STX16: variants seen among roughly 807,000 people sequenced by gnomAD.
The protein encoded by STX16 is syntaxin 16.
STX16 carries 28 observed loss-of-function variants against 42.7 expected under a neutral mutation model. The observed-to-expected ratio is 0.66, with a 90% confidence interval of 0.49 to 0.90. The LOEUF is 0.90. Among genes scored for constraint, STX16 ranks in the 40% least tolerant of loss-of-function variants. The pLI, the probability that STX16 is intolerant of heterozygous loss-of-function variation, is 0.00. For missense variants in STX16, 361 were observed against 420.9 expected (o/e 0.86, Z 1.24); for synonymous variants, 156 against 155.2 (o/e 1.00, Z -0.04).
rs777550226 is a variant in STX16 at position 58,652,129 on chromosome 20, C to T, written c.123C>T (p.Ser41=). The T allele has an allele frequency of 5.0e-6, 8 of 1,614,016 alleles. No individual in the cohort carries two copies. The highest frequency in any genetic ancestry group is 6.8e-6 in the Non-Finnish European group (8 of 1,179,998). Residue 41 remains serine, a synonymous_variant, in exon 1 of 9, where the codon AGC becomes AGT. Transcript: ENST00000371141. ...CCTCCAGCCCTCTGCATTCACGTAG[C>T]ATTGCTGCGGTGAGTCTCCTGGCGG... ...HITSSPLHSR[S]IAAELDELAD... is the part of the protein sequence containing the mutation.
Position 58,655,397 on chromosome 20 carries a change from G to A in STX16, c.132+3259G>A, listed in dbSNP as rs931634403. Among the ~76,000 whole-genome samples, 4 of 152,274 alleles carry A rather than the reference G, an allele frequency of 2.6e-5. No individual in the cohort carries two copies. In the South Asian group the frequency reaches 6.2e-4, roughly 24 times the overall value. On this transcript the variant is annotated intron_variant, in intron 1 of 8. Coordinates refer to ENST00000371141, the MANE Select transcript of STX16 (RefSeq NM_001001433.3). ...ATTTGGTTGTTGTAGTGGGGTTATT[G>A]TGTGTCCCTGTGCGTGCATACAGGG... is the stretch of plus-strand genomic sequence containing the variant.
chr20:58,654,167 C>T (rs1422181704), intron 1 of STX16, among the ~76,000 whole-genome samples: 1 of 151,938 alleles, frequency 6.6e-6, no homozygotes, highest in Non-Finnish European at 1.5e-5. Flanking sequence ...AATGTCATAC[C>T]ATTGAAAATG....
intron 7 of STX16, 151 bp from the exon 8 acceptor site, chr20:58,673,480 C>T (rs751638123): frequency 7.0e-6 from 4 of 571,932 alleles, no homozygotes; most frequent in Non-Finnish European, 1.3e-5. Flanking sequence ...TGAGGGTGAA[C>T]TCCAGAGCCC....
intron 8 of STX16, among the ~76,000 whole-genome samples, chr20:58,674,840 G>A (rs994141789): frequency 3.3e-5 from 5 of 152,136 alleles, no homozygotes; most frequent in African/African-American, 1.2e-4. Flanking sequence ...ATTATGCATT[G>A]GTTTTGAAGT....
intron 2 of STX16, among the ~76,000 whole-genome samples, chr20:58,662,613 C>G (rs1418847696): frequency 6.6e-6 from 1 of 152,152 alleles, no homozygotes; most frequent in Non-Finnish European, 1.5e-5. Flanking sequence ...CCAGTTCAAG[C>G]GATTCTCCTG....
chr20:58,669,573 T>A, intron 5 of STX16, 120 bp downstream of exon 5: 2 of 1,223,610 alleles, frequency 1.6e-6, no homozygotes, highest in African/African-American at 1.5e-5. Flanking sequence ...TTGAACATGC[T>A]CATACCTTGT....
intron 2 of STX16, 67 bp from the exon 3 acceptor site, chr20:58,667,423 G>C: frequency 8.1e-7 from 1 of 1,238,380 alleles, no homozygotes; most frequent in Non-Finnish European, 1.2e-6. Flanking sequence ...ATTTAAGAGA[G>C]AGTAAGAGTA....
chr20:58,676,092 G>T, intron 8 of STX16, 95 bp from the exon 9 acceptor site: 1 of 951,568 alleles, frequency 1.1e-6, no homozygotes, highest in Non-Finnish European at 1.7e-6. Flanking sequence ...CAGTCACTGT[G>T]CAGAGAGATC....
At chr20:58,662,189 A>G (rs2083716220) in intron 2 of STX16, among the ~76,000 whole-genome samples, 1 of 152,246 alleles carries the variant, frequency 6.6e-6, no homozygotes, top group Non-Finnish European at 1.5e-5. Context: ...AAGTCACAAG[A>G]TAACAAATGT....
intron 2 of STX16, among the ~76,000 whole-genome samples, chr20:58,664,843 A>G (rs2083780751): frequency 6.6e-6 from 1 of 152,240 alleles, no homozygotes; most frequent in East Asian, 1.9e-4. Flanking sequence ...TAAAAACTCT[A>G]AAATCACTAT....
In STX16 at chr20:58,670,542, A is replaced by C; in HGVS notation, c.587A>C (p.His196Pro). 1 of 1,614,094 alleles carries C rather than the reference A, an allele frequency of 6.2e-7. No homozygotes were observed. The highest frequency in any genetic ancestry group is 2.2e-5 in the East Asian group (1 of 44,882). ...RMKNREERSQ[H>P]FFDTSVPLMD... is the part of the protein sequence containing the mutation. ...AAGAATCGAGAGGAAAGATCCCAGC[A>C]TTTTTTCGACACATCAGTACCACTA... The change falls in exon 6 of 9, where the codon CAT becomes CCT. Residue 196 changes from histidine to proline, a missense_variant. By Grantham distance (77) the His-to-Pro change is moderately conservative. Coordinates refer to ENST00000371141, the MANE Select transcript of STX16 (RefSeq NM_001001433.3).
chr20:58,676,093 CAG>C, intron 8 of STX16, 92 bp from the exon 9 acceptor site: 1 of 963,018 alleles, frequency 1.0e-6, no homozygotes, highest in Non-Finnish European at 1.7e-6. Flanking sequence ...AGTCACTGTG[CAG>C]AGAGATCTGG....
In STX16 at chr20:58,657,025, G is replaced by T. The variant is rs993213397; in HGVS notation, c.133-2598G>T. On this transcript the variant is annotated intron_variant, in intron 1 of 8. Coordinates refer to ENST00000371141, the MANE Select transcript of STX16 (RefSeq NM_001001433.3). This position sits in a 1 kb window ranked among gnomAD's most constrained non-coding sequence, Gnocchi z 4.2. Reference sequence around the variant, plus strand: ...GAACTCTGGCAAATCTGGCTTCAGAGCCCCGTGCTCACCTCCTGGGCCACT... The same window carrying T: ...GAACTCTGGCAAATCTGGCTTCAGATCCCCGTGCTCACCTCCTGGGCCACT... 6.6e-6 allele frequency among the ~76,000 whole-genome samples: 1 copy of T among 152,220 alleles called. No homozygotes were observed. The highest frequency in any genetic ancestry group is 1.5e-5 in the Non-Finnish European group (1 of 68,038).
intron 4 of STX16, 151 bp downstream of exon 4, chr20:58,668,278 G>A: frequency 1.1e-6 from 1 of 939,816 alleles, no homozygotes; most frequent in Non-Finnish European, 1.6e-6. Flanking sequence ...TCCTCCAGCT[G>A]TCAGCGTAGG....
Position 58,667,296 on chromosome 20 carries a change from T to C in STX16, c.145-194T>C, listed in dbSNP as rs376813276. 2.4e-3 allele frequency: 1,607 copies of C among 678,852 alleles called. 40 individuals carry two copies. The highest frequency in any genetic ancestry group is 0.021 in the South Asian group (1,405 of 66,516). The allele number at this position is 678,852 out of a possible 1,614,324, so 42.1% of individuals were successfully genotyped here. A position where few individuals can be genotyped will look rare whatever the true frequency, so the allele number is the denominator to read the frequency against. On this transcript the variant is annotated intron_variant, in intron 2 of 8. Coordinates refer to ENST00000371141, the MANE Select transcript of STX16 (RefSeq NM_001001433.3). ...AAAACAATCCAAATCCTAGCAGTTA[T>C]CAAAAGCAAGTTTATAATACAGGCA...
At chr20:58,658,462 A>G (rs1474574643) in intron 1 of STX16, among the ~76,000 whole-genome samples, 4 of 152,222 alleles carry the variant, frequency 2.6e-5, no homozygotes, top group African/African-American at 4.8e-5. Context: ...AGGAATGAAG[A>G]GGATTTGCAG....
Position 58,663,107 on chromosome 20 carries a change from T to A in STX16, c.144+3473T>A, listed in dbSNP as rs141206618. Among the ~76,000 whole-genome samples the A allele has an allele frequency of 1.5e-3, 236 of 152,358 alleles. 2 individuals carry two copies. Among genetic ancestry groups the A allele is most frequent in the African/African-American group, 5.4e-3 (223 of 41,572 alleles). On this transcript the variant is annotated intron_variant, in intron 2 of 8. Coordinates refer to ENST00000371141, the MANE Select transcript of STX16 (RefSeq NM_001001433.3). The stretch of plus-strand genomic sequence containing the variant: ...CAGTGTCCCTTCTGGGCTTTCCAAG[T>A]GTTCATTGCCATAGACAGTCCAGAA...
At chr20:58,652,361 C>A in intron 1 of STX16, 2 of 633,404 alleles carry the variant, frequency 3.2e-6, no homozygotes, top group Non-Finnish European at 5.7e-6. Flanking sequence ...CTTCTCCTCA[C>A]TTCCGCAGCA....
intron 7 of STX16, among the ~76,000 whole-genome samples, chr20:58,672,705 G>A (rs974674458): frequency 2.0e-5 from 3 of 152,164 alleles, no homozygotes; most frequent in African/African-American, 4.8e-5. Context: ...CCCTACTCTA[G>A]AGACCTAGTT....
Sources: allele counts gnomAD v4.1 joint callset (sites outside exome capture counted in the v4.1 genomes callset), GRCh38; gene constraint gnomAD v4.1.1; non-coding constraint Gnocchi (gnomAD v3.1); transcripts MANE v1.5; gene names NCBI Gene and HGNC (gene_info 2026-07-23, HGNC 2026-07-21).